Variants in ST14 observed in about 807,000 individuals in gnomAD.
ST14 encodes the protein suppressor of tumorigenicity 14 protein.
A neutral mutation model predicts 96.5 loss-of-function variants in ST14; 40 were observed. The observed-to-expected ratio is 0.41, with a 90% CI of 0.32 to 0.54. The LOEUF is 0.54. Ranked by LOEUF, ST14 falls within the 20% of genes least tolerant of loss-of-function variation. The probability of loss-of-function intolerance (pLI) is 0.17; values close to 1 mark genes in which losing one functional copy is unlikely to be tolerated. For missense variants in ST14, 1,066 were observed against 1,188.9 expected (o/e 0.90, Z 1.52); for synonymous variants, 506 against 492.1 (o/e 1.03, Z -0.37).
chr11:130,170,061 C>T (rs979205263), intron 1 of ST14, among the ~76,000 whole-genome samples: 7 of 152,100 alleles, frequency 4.6e-5, no homozygotes, highest in South Asian at 4.1e-4. Flanking sequence ...TGGAATTTTC[C>T]GGCTAGAATT....
rs11368852 is a variant in ST14, at chr11:130,196,557, GC to G, written c.1224-6del. 3.7e-6 allele frequency: 6 copies of G among 1,607,906 alleles called. No individual in the cohort carries two copies. The highest frequency in any genetic ancestry group is 1.6e-4 in the Middle Eastern group (1 of 6,072). On this transcript the variant is annotated splice_polypyrimidine_tract_variant and intron_variant, in intron 10 of 18. Transcript: ENST00000278742. Reference sequence around the variant, plus strand: ...GCTGTCCCTCCTCACCTTGTGCCCCGCCCCCCCTCCAGATACTGCGGAGAGA... The same window carrying G: ...GCTGTCCCTCCTCACCTTGTGCCCCGCCCCCCTCCAGATACTGCGGAGAGA...
At chr11:130,189,074 G>C (rs1953268497) in intron 4 of ST14, 135 bp downstream of exon 4, 2 of 915,736 alleles carry the variant, frequency 2.2e-6, no homozygotes, top group African/African-American at 1.6e-5. Context: ...GGTCCTCGCT[G>C]TGTCCTCCTG....
intron 1 of ST14, among the ~76,000 whole-genome samples, chr11:130,185,985 G>A (rs1052351682): frequency 1.3e-4 from 19 of 151,706 alleles, no homozygotes; most frequent in African/African-American, 4.6e-4. Context: ...TTTTTGTATT[G>A]TTAGTAGAGA....
chr11:130,188,541 C>G lies in ST14; in HGVS notation c.253C>G (p.Arg85Gly). The change falls in exon 3 of 19, where the codon CGT (arginine) becomes GGT (glycine). Residue 85 changes from arginine to glycine, a missense_variant. Transcript: ENST00000278742. The surrounding 1 kb of genome is among the most constrained non-coding windows in gnomAD (Gnocchi z 5.4). ...LVWHLQYRDV[R>G]VQKVFNGYMR... ...CTGGTCTCACACAGACCGGGACGTG[C>G]GTGTCCAGAAGGTCTTCAATGGCTA... 6.2e-7 allele frequency: 1 copy of G among 1,614,082 alleles called. No homozygotes were observed.
In ST14 at chr11:130,198,548, C is replaced by A; in HGVS notation, c.1611C>A (p.Cys537Ter). ...AQTFRCSNGK[C>*]LSKSQQCNGK... ...CCTTCAGGTGTTCCAATGGGAAGTG[C>A]CTCTCGAAAAGCCAGCAGTGCAATG... The change falls in exon 14 of 19, where the codon TGC becomes TGA. Residue 537 changes from cysteine (C) to a stop codon, truncating the protein, a stop_gained. Coordinates refer to ENST00000278742, the MANE Select transcript of ST14 (RefSeq NM_021978.4). LOFTEE classifies it high-confidence loss of function. The A allele has an allele frequency of 6.2e-7, 1 of 1,614,060 alleles. No homozygotes were observed. The highest frequency in any genetic ancestry group is 1.1e-5 in the South Asian group (1 of 91,082).
intron 7 of ST14, among the ~76,000 whole-genome samples, chr11:130,191,626 G>T (rs375130958): frequency 3.3e-5 from 5 of 150,014 alleles, no homozygotes; most frequent in Admixed American, 1.3e-4. Context: ...GGAGGCAGAG[G>T]TTGCAGTGAG....
chr11:130,172,213 C>G (rs1953098912), intron 1 of ST14, among the ~76,000 whole-genome samples: 1 of 151,724 alleles, frequency 6.6e-6, no homozygotes. Flanking sequence ...ATCCCAGGCT[C>G]AAGTGATCCT....
intron 16 of ST14, among the ~76,000 whole-genome samples, chr11:130,201,116 T>C (rs1291274469): frequency 6.6e-6 from 1 of 152,256 alleles, no homozygotes; most frequent in African/African-American, 2.4e-5. Flanking sequence ...CAGCATGTCA[T>C]GGCCTCAGAC....
intron 1 of ST14, among the ~76,000 whole-genome samples, chr11:130,172,569 C>A (rs559536488): frequency 8.7e-4 from 132 of 152,118 alleles, no homozygotes; most frequent in Middle Eastern, 3.4e-3. Context: ...AGGTGCCCAC[C>A]ACCATACCCG....
chr11:130,208,816 C>A, intron 17 of ST14, 132 bp downstream of exon 17: 1 of 1,219,766 alleles, frequency 8.2e-7, no homozygotes, highest in South Asian at 1.6e-5. Context: ...ATGAGGCTGT[C>A]CAGGGCGGAA....
chr11:130,196,189 AC>A (rs879622915), intron 9 of ST14, 149 bp from the exon 10 acceptor site: 7,498 of 691,060 alleles, frequency 0.011, 121 homozygotes, highest in South Asian at 0.022. Flanking sequence ...AAACAAACAA[AC>A]AAACACGCTG....
rs745475539 is a variant in ST14 at position 130,188,198 on chromosome 11, G to A, written c.166G>A (p.Val56Met). ...GGAAAAGCATGGCCCGGGGCGCTGG[G>A]TGGTGCTGGCAGCCGTGCTGATCGG... ...KVEKHGPGRWVVLAAVLIGLL... is the reference protein window; with the variant it reads ...KVEKHGPGRWMVLAAVLIGLL... The change falls in exon 2 of 19, where the codon GTG becomes ATG. Residue 56 changes from valine (V) to methionine (M), a missense_variant. Val to Met is a conservative substitution (Grantham distance 21, BLOSUM62 1). Coordinates refer to ENST00000278742, the MANE Select transcript of ST14 (RefSeq NM_021978.4). The surrounding 1 kb of genome is among the most constrained non-coding windows in gnomAD (Gnocchi z 5.4). 1 of 1,614,218 alleles carries A rather than the reference G, an allele frequency of 6.2e-7. No homozygotes were observed. The highest frequency in any genetic ancestry group is 8.5e-7 in the Non-Finnish European group (1 of 1,180,038).
At chr11:130,179,574 C>T (rs905394920) in intron 1 of ST14, among the ~76,000 whole-genome samples, 4 of 152,150 alleles carry the variant, frequency 2.6e-5, no homozygotes, top group African/African-American at 2.4e-5. Context: ...GCCTGCTGAC[C>T]GCCTGCTCTG....
At position 130,181,187 on chromosome 11, in the gene ST14, G is replaced by C. The variant is rs1259268238; in HGVS notation, c.82-6927G>C. 6.6e-6 allele frequency among the ~76,000 whole-genome samples: 1 copy of C among 152,016 alleles called. No individual in the cohort carries two copies. Among genetic ancestry groups the C allele is most frequent in the African/African-American group, 2.4e-5 (1 of 41,366 alleles). ...GTGGTGATCTGATCTCGTCCCTGCT[G>C]GGTGGGATGGTGGTCTGATCTCGCC... On this transcript the variant is annotated intron_variant, in intron 1 of 18. Transcript: ENST00000278742. The surrounding 1 kb of genome is among the most constrained non-coding windows in gnomAD (Gnocchi z 4.1).
At chr11:130,160,149 C>A in intron 1 of ST14, 89 bp downstream of exon 1, 1 of 932,520 alleles carries the variant, frequency 1.1e-6, no homozygotes, top group Non-Finnish European at 1.4e-6. Context: ...GCTCCCCTGG[C>A]GTGTCCGTCG....
chr11:130,170,410 G>T (rs554814989), intron 1 of ST14, among the ~76,000 whole-genome samples: 1 of 152,136 alleles, frequency 6.6e-6, no homozygotes, highest in Non-Finnish European at 1.5e-5. Context: ...GAGGGTGGAG[G>T]GGGAGGGAGA....
At chr11:130,166,306 C>G (rs1282639184) in intron 1 of ST14, among the ~76,000 whole-genome samples, 2 of 152,310 alleles carry the variant, frequency 1.3e-5, no homozygotes, top group Non-Finnish European at 2.9e-5. Flanking sequence ...TGTGCACACA[C>G]CACTTGTATC....
At chr11:130,198,707 G>T in intron 14 of ST14, 86 bp downstream of exon 14, 1 of 1,377,440 alleles carries the variant, frequency 7.3e-7, no homozygotes, top group Admixed American at 1.9e-5. Flanking sequence ...AGGACGCCCC[G>T]AGTTTAATGA....
At chr11:130,183,542 TAAA>T (rs751348726) in intron 1 of ST14, among the ~76,000 whole-genome samples, 11 of 126,994 alleles carry the variant, frequency 8.7e-5, no homozygotes, top group African/African-American at 1.4e-4. Flanking sequence ...CCCTGTATCT[TAAA>T]AAAAAAAAAA....
Sources: gnomAD v4.1 joint callset for allele counts (sites outside exome capture counted in the v4.1 genomes callset) on GRCh38, gnomAD v4.1.1 for gene constraint, Gnocchi (gnomAD v3.1) non-coding constraint, MANE v1.5 for transcripts, NCBI Gene and HGNC (gene_info 2026-07-23, HGNC 2026-07-21) for gene names.